The following ANAPC2 variants were observed in gnomAD, a reference collection of about 807,000 sequenced individuals.
ANAPC2 encodes the protein anaphase-promoting complex subunit 2.
A neutral mutation model predicts 84.3 loss-of-function variants in ANAPC2; 29 were observed. That is an observed-to-expected ratio of 0.34 (90% CI 0.26 to 0.47). The LOEUF is 0.47. Among genes scored for constraint, ANAPC2 ranks in the 20% least tolerant of loss-of-function variants. ANAPC2 has a pLI of 1.00. For missense variants in ANAPC2, 857 were observed against 1,131.7 expected, an observed-to-expected ratio of 0.76 and a Z score of 3.48; for synonymous variants, 571 against 479.4, an observed-to-expected ratio of 1.19 and a Z score of -2.50.
chr9:137,181,937 G>A (rs975974338), intron 6 of ANAPC2, 75 bp from the exon 7 acceptor site: 12 of 1,499,978 alleles, frequency 8.0e-6, no homozygotes, highest in East Asian at 2.4e-5. Context: ...TTCCAGTCCC[G>A]GCCCCATCTA....
At chr9:137,176,141 GCATCCTAACCCAAC>G (rs1834206150) in intron 10 of ANAPC2, 1 of 280,976 alleles carries the variant, frequency 3.6e-6, no homozygotes, top group African/African-American at 2.3e-5. Flanking sequence ...TAACTGAGGT[GCATCCTAACCCAAC>G]TGACTGGGGT....
intron 1 of ANAPC2, 92 bp from the exon 2 acceptor site, chr9:137,188,195 A>C (rs1588767508): frequency 6.8e-7 from 1 of 1,481,428 alleles, no homozygotes; most frequent in Non-Finnish European, 9.0e-7. Flanking sequence ...GGCTGCAAAA[A>C]CTCCGCTGCC....
chr9:137,187,778 C>T lies in ANAPC2; in HGVS notation c.443G>A (p.Gly148Glu), dbSNP rs759387100. Residue 148 changes from glycine (G) to glutamate (E), a missense_variant, in exon 2 of 13, where the codon GGG becomes GAG. Gly to Glu is a moderately conservative substitution (Grantham distance 98). This residue lies in a region of ANAPC2 where 428 missense variants were observed against 513.8 expected (regional missense o/e 0.83). Coordinates refer to ENST00000323927, the MANE Select transcript of ANAPC2 (RefSeq NM_013366.4). ...CATAGTGTGGACTTCTTCTCGCAGC[C>T]CCTGAGCACCAGTGCCCATCAGCAA... ...LGLLMGTGAQ[G>E]LREEVHTMLR... The T allele has an allele frequency of 5.0e-6, 8 of 1,613,688 alleles. No homozygotes were observed. In the Admixed American group the frequency reaches 1.3e-4, roughly 27 times the overall value.
chr9:137,187,408 G>A, intron 2 of ANAPC2, 73 bp downstream of exon 2: 1 of 1,525,402 alleles, frequency 6.6e-7, no homozygotes, highest in Non-Finnish European at 8.8e-7. Context: ...TTTCTGCTGA[G>A]GCCAGCTGGA....
At chr9:137,177,443 G>C (rs1834247487) in intron 10 of ANAPC2, among the ~76,000 whole-genome samples, 1 of 152,172 alleles carries the variant, frequency 6.6e-6, no homozygotes, top group African/African-American at 2.4e-5. Context: ...GCGCACTCCA[G>C]CCTCACCTGT....
At chr9:137,187,156 A>T (rs1474193991) in intron 2 of ANAPC2, 1 of 331,576 alleles carries the variant, frequency 3.0e-6, no homozygotes, top group African/African-American at 2.1e-5. Flanking sequence ...GGTGAGAATC[A>T]TTCCTCCCCA....
rs1374216157 is a variant in ANAPC2 at position 137,187,564 on chromosome 9, C to T, written c.657G>A (p.Pro219=). The change falls in exon 2 of 13, where the codon CCG becomes CCA. Residue 219 remains proline (P), a synonymous_variant. Coordinates refer to ENST00000323927, the MANE Select transcript of ANAPC2 (RefSeq NM_013366.4). ...RRRYYRLLQS[P]LCAGCSSDKQ... ...TGTCACTGCTGCACCCTGCACACAGCGGGCTCTGCAGGAGCCGGTAGTACC... is the reference window on the plus strand; with the variant it reads ...TGTCACTGCTGCACCCTGCACACAGTGGGCTCTGCAGGAGCCGGTAGTACC... 1 of 1,613,870 alleles carries T rather than the reference C, an allele frequency of 6.2e-7. No homozygotes were observed. Among genetic ancestry groups the T allele is most frequent in the Non-Finnish European group, 8.5e-7 (1 of 1,180,030 alleles).
intron 10 of ANAPC2, chr9:137,176,694 C>T (rs565970454): frequency 6.6e-6 from 1 of 152,398 alleles, no homozygotes; most frequent in East Asian, 1.9e-4. Flanking sequence ...CCAACAGGTG[C>T]TTCCAGTGAG....
At chr9:137,185,425 A>T (rs1834443473) in intron 3 of ANAPC2, among the ~76,000 whole-genome samples, 1 of 152,180 alleles carries the variant, frequency 6.6e-6, no homozygotes, top group African/African-American at 2.4e-5. Flanking sequence ...AAATGGATAA[A>T]CACGCCCTTG....
rs1451549255 is a variant in ANAPC2, at chr9:137,187,747, G to A, written c.474C>T (p.Arg158=). The part of the protein sequence containing the change: ...GLREEVHTML[R]GVLFFSTPRT... ...TGGGGGTGCTAAAGAACAAGACTCC[G>A]CGCAACATAGTGTGGACTTCTTCTC... The change falls in exon 2 of 13, where the codon CGC becomes CGT. Residue 158 remains arginine (R), a synonymous_variant. Transcript: ENST00000323927. The A allele has an allele frequency of 6.8e-6, 11 of 1,613,780 alleles. No individual in the cohort carries two copies. The highest frequency in any genetic ancestry group is 6.7e-5 in the East Asian group (3 of 44,894).
At chr9:137,181,298 G>A (rs1834337838) in intron 7 of ANAPC2, among the ~76,000 whole-genome samples, 1 of 152,240 alleles carries the variant, frequency 6.6e-6, no homozygotes, top group South Asian at 2.1e-4. Flanking sequence ...ACGAGGGCCA[G>A]GCACAGATGG....
rs1198787749 is a variant in ANAPC2 at position 137,174,813 on chromosome 9, T to C, written c.*129A>G. ...ATCTGACTTGCTTTAATCTGCACACTGCGGGGGTGGGGGTGGGCATGCTCC... is the reference window on the plus strand; with the variant it reads ...ATCTGACTTGCTTTAATCTGCACACCGCGGGGGTGGGGGTGGGCATGCTCC... On this transcript the variant is annotated 3_prime_UTR_variant, in exon 13 of 13. Transcript: ENST00000323927. This position sits in a 1 kb window ranked among gnomAD's most constrained non-coding sequence, Gnocchi z 6.1. 7.2e-6 allele frequency: 7 copies of C among 968,346 alleles called. No individual in the cohort carries two copies. The highest frequency in any genetic ancestry group is 3.3e-4 in the Middle Eastern group (1 of 3,002). 60.0% of individuals were successfully genotyped at this position (968,346 alleles called of 1,614,324 possible).
intron 2 of ANAPC2, 120 bp from the exon 3 acceptor site, chr9:137,186,476 A>C (rs1205929586): frequency 9.9e-6 from 13 of 1,308,540 alleles, no homozygotes; most frequent in African/African-American, 1.5e-5. Flanking sequence ...ACACACACAC[A>C]CCCAGCACAC....
intron 10 of ANAPC2, chr9:137,176,477 G>A (rs756558924): frequency 6.6e-6 from 1 of 152,374 alleles, no homozygotes; most frequent in Non-Finnish European, 1.5e-5. Context: ...AGGGCCAGGA[G>A]GGGTGCTGCC....
intron 10 of ANAPC2, among the ~76,000 whole-genome samples, chr9:137,179,326 C>A (rs894702187): frequency 3.3e-5 from 5 of 152,106 alleles, no homozygotes; most frequent in African/African-American, 4.8e-5. Flanking sequence ...CCGCCTGTGA[C>A]GACCATCCCG....
At position 137,175,367 on chromosome 9, in the gene ANAPC2, G is replaced by A; in HGVS notation, c.2126C>T (p.Pro709Leu). 1 of 1,611,566 alleles carries A rather than the reference G, an allele frequency of 6.2e-7. No individual in the cohort carries two copies. The stretch of plus-strand genomic sequence containing the variant: ...CTCAATGACAGAGAAGGTGCCGGGG[G>A]GCTCCTCACGCAGCACACCCTGCTG... ...WLQQGVLREE[P>L]PGTFSVIEEE... Residue 709 changes from proline to leucine, a missense_variant, in exon 12 of 13, where the codon CCC becomes CTC. Pro to Leu is a moderately conservative substitution (Grantham distance 98). Transcript: ENST00000323927.
chr9:137,186,010 G>A (rs184278616), intron 3 of ANAPC2, among the ~76,000 whole-genome samples: 49 of 152,282 alleles, frequency 3.2e-4, no homozygotes, highest in African/African-American at 5.3e-4. Context: ...GGGATTCTGC[G>A]CAGATCCGAA....
At chr9:137,185,604 C>T (rs183893743) in intron 3 of ANAPC2, among the ~76,000 whole-genome samples, 1 of 152,336 alleles carries the variant, frequency 6.6e-6, no homozygotes, top group East Asian at 1.9e-4. Context: ...GGACACCCTC[C>T]CTCTTTGAAA....
In ANAPC2 at chr9:137,184,881, G is replaced by A. The variant is rs372355099; in HGVS notation, c.1048+32C>T. ...GGCCCTGGGAAGACTCCCCAGACGGGAGAGCGGACCCCAGGGCCGGGGCAG... is the reference window on the plus strand; with the variant it reads ...GGCCCTGGGAAGACTCCCCAGACGGAAGAGCGGACCCCAGGGCCGGGGCAG... On this transcript the variant is annotated intron_variant, in intron 4 of 12. Transcript: ENST00000323927. 7.9e-5 allele frequency: 127 copies of A among 1,605,910 alleles called. 1 individual carries two copies. In the African/African-American group the frequency reaches 1.3e-3, roughly 16 times the overall value.
Sources: gnomAD v4.1 joint callset for allele counts (sites outside exome capture counted in the v4.1 genomes callset) on GRCh38, gnomAD v4.1.1 for gene constraint, gnomAD v4.1.1 regional missense constraint, Gnocchi (gnomAD v3.1) non-coding constraint, MANE v1.5 for transcripts, NCBI Gene and HGNC (gene_info 2026-07-23, HGNC 2026-07-21) for gene names.